SMYD3: variants seen among roughly 807,000 people sequenced by gnomAD.
SMYD3 encodes the protein histone-lysine N-methyltransferase SMYD3.
Under a neutral mutation model 57.7 loss-of-function variants are expected in SMYD3, and 36 were observed. The observed-to-expected ratio is 0.62, with a 90% CI of 0.48 to 0.82. The LOEUF is 0.82. SMYD3 is among the 40% of genes least tolerant of loss of function. The pLI, the probability that SMYD3 is intolerant of heterozygous loss-of-function variation, is 0.00. For synonymous variants in SMYD3, 211 were observed against 195.0 expected (o/e 1.08, Z -0.68); for missense variants, 515 against 538.8 (o/e 0.96, Z 0.44).
chr1:245,993,267 C>G (rs1448867118), intron 5 of SMYD3, among the ~76,000 whole-genome samples: 2 of 152,126 alleles, frequency 1.3e-5, no homozygotes, highest in African/African-American at 2.4e-5. Context: ...TTGCCAAAGC[C>G]TCACCATTAG....
intron 8 of SMYD3, among the ~76,000 whole-genome samples, chr1:245,907,353 C>A (rs892324374): frequency 6.6e-6 from 1 of 152,042 alleles, no homozygotes; most frequent in African/African-American, 2.4e-5. Context: ...CTACTATGTA[C>A]CCACAAATTT....
chr1:245,955,358 A>G (rs898612362), intron 5 of SMYD3, among the ~76,000 whole-genome samples: 3 of 152,066 alleles, frequency 2.0e-5, no homozygotes, highest in Non-Finnish European at 4.4e-5. Flanking sequence ...GATTACCGGC[A>G]TGAGCCACCG....
intron 8 of SMYD3, among the ~76,000 whole-genome samples, chr1:245,868,465 A>T (rs1016588846): frequency 5.9e-5 from 9 of 152,096 alleles, no homozygotes; most frequent in Non-Finnish European, 1.3e-4. Context: ...CATAGAACCC[A>T]CAGCAGATCT....
intron 5 of SMYD3, among the ~76,000 whole-genome samples, chr1:245,955,190 C>T (rs906693215): frequency 6.6e-6 from 1 of 152,170 alleles, no homozygotes; most frequent in African/African-American, 2.4e-5. Flanking sequence ...CTCCCGGGTT[C>T]ACGCCATTCT....
chr1:246,022,403 A>G (rs182839996), intron 5 of SMYD3, among the ~76,000 whole-genome samples: 1 of 152,316 alleles, frequency 6.6e-6, no homozygotes, highest in East Asian at 1.9e-4. Flanking sequence ...CGAGGGGGTA[A>G]GAACGTGGGT....
chr1:246,105,958 TG>T, intron 5 of SMYD3, among the ~76,000 whole-genome samples: 1 of 152,368 alleles, frequency 6.6e-6, no homozygotes, highest in Middle Eastern at 3.4e-3. Flanking sequence ...GCCCTGCAGC[TG>T]TAAATTAATT....
chr1:246,042,883 T>G (rs553037213), intron 5 of SMYD3, among the ~76,000 whole-genome samples: 5 of 152,320 alleles, frequency 3.3e-5, no homozygotes, highest in African/African-American at 1.2e-4. Flanking sequence ...GAGATTAATT[T>G]TTTACTCATT....
intron 5 of SMYD3, among the ~76,000 whole-genome samples, chr1:246,292,840 C>T (rs2064721685): frequency 6.6e-6 from 1 of 152,094 alleles, no homozygotes; most frequent in South Asian, 2.1e-4. Flanking sequence ...AGGCAGGGAG[C>T]ATGGCAGACA....
chr1:246,404,275 T>C (rs1472707050), intron 1 of SMYD3, among the ~76,000 whole-genome samples: 1 of 152,236 alleles, frequency 6.6e-6, no homozygotes, highest in African/African-American at 2.4e-5. Context: ...AGATCCCATC[T>C]GTGCTGACTT....
chr1:246,313,002 C>T (rs986827232), intron 5 of SMYD3, among the ~76,000 whole-genome samples: 3 of 152,090 alleles, frequency 2.0e-5, no homozygotes, highest in South Asian at 2.1e-4. Flanking sequence ...GCAACCTCTA[C>T]CTCCCAGGCT....
At chr1:246,106,214 T>C (rs6689631) in intron 5 of SMYD3, among the ~76,000 whole-genome samples, 8,115 of 152,264 alleles carry the variant, frequency 0.053, 622 homozygotes, top group African/African-American at 0.17. Flanking sequence ...TTCTTGCCAT[T>C]CATTACATTG....
chr1:246,458,131 C>A (rs2067731503), intron 1 of SMYD3, among the ~76,000 whole-genome samples: 3 of 152,130 alleles, frequency 2.0e-5, no homozygotes, highest in Admixed American at 2.0e-4. Flanking sequence ...ATAAAGACTT[C>A]CCTGATGGCA....
intron 5 of SMYD3, among the ~76,000 whole-genome samples, chr1:246,164,648 G>A (rs913945821): frequency 1.3e-5 from 2 of 152,160 alleles, no homozygotes; most frequent in Non-Finnish European, 2.9e-5. Context: ...ATCATTTTGG[G>A]TGAGCCACTT....
chr1:245,769,129 C>G (rs943978921), intron 10 of SMYD3, among the ~76,000 whole-genome samples: 2 of 152,070 alleles, frequency 1.3e-5, no homozygotes, highest in African/African-American at 4.8e-5. Flanking sequence ...CATTTTGCAA[C>G]TCCTGGAGAA....
intron 5 of SMYD3, among the ~76,000 whole-genome samples, chr1:246,057,914 T>C (rs1221481159): frequency 6.6e-6 from 1 of 152,152 alleles, no homozygotes; most frequent in Non-Finnish European, 1.5e-5. Context: ...GACAATTATT[T>C]AGCACTAAAA....
At chr1:246,128,645 G>A (rs2061542354) in intron 5 of SMYD3, among the ~76,000 whole-genome samples, 1 of 152,138 alleles carries the variant, frequency 6.6e-6, no homozygotes, top group African/African-American at 2.4e-5. Flanking sequence ...AGTGGGGCTG[G>A]CCCTCAAGCC....
In SMYD3 at chr1:245,920,245, G is replaced by A. The variant is rs188208692; in HGVS notation, c.703-4605C>T. Among the ~76,000 whole-genome samples the A allele has an allele frequency of 1.9e-4, 28 of 151,026 alleles. No homozygotes were observed. In the South Asian group the frequency reaches 2.5e-3, roughly 14 times the overall value. Reference sequence around the variant, plus strand: ...GGAGGATGGCGTGAACTCGGGAGGCGGAGCTTGCAGTGAGACGAGATCATG... The same window carrying A: ...GGAGGATGGCGTGAACTCGGGAGGCAGAGCTTGCAGTGAGACGAGATCATG... On this transcript the variant is annotated intron_variant, in intron 7 of 11. Coordinates refer to ENST00000490107, the MANE Select transcript of SMYD3 (RefSeq NM_001167740.2).
At chr1:246,061,838 A>G (rs1057067848) in intron 5 of SMYD3, among the ~76,000 whole-genome samples, 2 of 152,244 alleles carry the variant, frequency 1.3e-5, no homozygotes, top group African/African-American at 4.8e-5. Flanking sequence ...CTGCCTTGAT[A>G]GACCGGCACT....
intron 5 of SMYD3, chr1:245,930,353 A>G (rs1332005885): frequency 2.8e-6 from 1 of 355,882 alleles, no homozygotes; most frequent in Middle Eastern, 5.2e-4. Flanking sequence ...GCCACTGTGT[A>G]TCTGTTCAGT....
Sources: allele counts gnomAD v4.1 joint callset (sites outside exome capture counted in the v4.1 genomes callset), GRCh38; gene constraint gnomAD v4.1.1; transcripts MANE v1.5; gene names NCBI Gene and HGNC (gene_info 2026-07-23, HGNC 2026-07-21).